Variants in PPM1L observed in about 807,000 individuals in gnomAD.
PPM1L encodes protein phosphatase, Mg2+/Mn2+ dependent 1L.
In PPM1L, 13 loss-of-function variants were observed where a neutral mutation model predicts 31.4. The ratio of observed to expected loss-of-function variants is 0.41; its 90% CI spans 0.27 to 0.66. The LOEUF is 0.66. Among genes scored for constraint, PPM1L ranks in the 30% least tolerant of loss-of-function variants. The probability of loss-of-function intolerance (pLI) is 0.29; values close to 1 mark genes in which losing one functional copy is unlikely to be tolerated. For synonymous variants in PPM1L, 184 were observed against 175.4 expected (o/e 1.05, Z -0.39); for missense variants, 326 against 453.7 (o/e 0.72, Z 2.56).
chr3:160,914,336 C>T lies in PPM1L; in HGVS notation c.400-47400C>T, dbSNP rs138491599. On this transcript the variant is annotated intron_variant, in intron 1 of 3. Coordinates refer to ENST00000498165, the MANE Select transcript of PPM1L (RefSeq NM_139245.4). ...TAAGTTTTAGGGTACATGTGCACAA[C>T]GTGCAGGTTAGTTACATATGTATAC... Among the ~76,000 whole-genome samples the T allele has an allele frequency of 6.4e-3, 971 of 152,016 alleles. 14 individuals carry two copies. The highest frequency in any genetic ancestry group is 0.022 in the African/African-American group (928 of 41,448).
At chr3:160,950,326 A>G (rs995139920) in intron 1 of PPM1L, among the ~76,000 whole-genome samples, 1 of 152,226 alleles carries the variant, frequency 6.6e-6, no homozygotes, top group South Asian at 2.1e-4. Flanking sequence ...GATTGAAGCT[A>G]TAATGATAGA....
intron 1 of PPM1L, among the ~76,000 whole-genome samples, chr3:160,786,668 G>A (rs1338131979): frequency 6.6e-6 from 1 of 151,600 alleles, no homozygotes; most frequent in Non-Finnish European, 1.5e-5. Flanking sequence ...TGTCATGGGG[G>A]TTGGTGTATG....
intron 2 of PPM1L, among the ~76,000 whole-genome samples, chr3:161,063,381 T>C (rs1719630165): frequency 6.6e-6 from 1 of 152,198 alleles, no homozygotes; most frequent in Admixed American, 6.5e-5. Flanking sequence ...TAACCAACAT[T>C]TCATGTGTTT....
At chr3:161,005,202 A>T (rs1483475739) in intron 2 of PPM1L, among the ~76,000 whole-genome samples, 1 of 152,062 alleles carries the variant, frequency 6.6e-6, no homozygotes, top group East Asian at 1.9e-4. Context: ...TTCAGTTTCC[A>T]TGTAGTTGAG....
chr3:160,788,589 C>A (rs892584628), intron 1 of PPM1L, among the ~76,000 whole-genome samples: 3 of 151,864 alleles, frequency 2.0e-5, no homozygotes, highest in Admixed American at 6.6e-5. Context: ...CTTATGCCAT[C>A]ACATTTAGCA....
intron 1 of PPM1L, among the ~76,000 whole-genome samples, chr3:160,948,563 C>T (rs1420887520): frequency 6.6e-6 from 1 of 152,126 alleles, no homozygotes; most frequent in Non-Finnish European, 1.5e-5. Context: ...CTGTTTTACG[C>T]AGCTTGCTGA....
chr3:160,990,005 T>G (rs1188363609), intron 2 of PPM1L, among the ~76,000 whole-genome samples: 2 of 149,458 alleles, frequency 1.3e-5, no homozygotes, highest in Non-Finnish European at 3.0e-5. Flanking sequence ...TTGTTTTGTT[T>G]TGTTTTTGAG....
chr3:161,050,806 A>G (rs922610890), intron 2 of PPM1L, among the ~76,000 whole-genome samples: 25 of 152,174 alleles, frequency 1.6e-4, no homozygotes, highest in Admixed American at 1.4e-3. Flanking sequence ...AAGTAATTCT[A>G]TGAGGTCAAT....
chr3:160,845,126 A>G (rs952290979), intron 1 of PPM1L, among the ~76,000 whole-genome samples: 2 of 152,164 alleles, frequency 1.3e-5, no homozygotes, highest in Admixed American at 6.6e-5. Flanking sequence ...ATATGAATAT[A>G]TAAGATTTTG....
At chr3:161,006,437 A>G (rs1243803044) in intron 2 of PPM1L, among the ~76,000 whole-genome samples, 1 of 152,238 alleles carries the variant, frequency 6.6e-6, no homozygotes, top group East Asian at 1.9e-4. Context: ...TTATACAACC[A>G]TGTGAATATA....
chr3:160,934,435 A>G (rs1318958721), intron 1 of PPM1L, among the ~76,000 whole-genome samples: 2 of 152,214 alleles, frequency 1.3e-5, no homozygotes, highest in African/African-American at 2.4e-5. Flanking sequence ...CCCATCCAAC[A>G]TTATGTTATA....
At chr3:161,054,814 G>A (rs1719368777) in intron 2 of PPM1L, among the ~76,000 whole-genome samples, 1 of 152,138 alleles carries the variant, frequency 6.6e-6, no homozygotes, top group African/African-American at 2.4e-5. Context: ...TGAATGCTCA[G>A]TATATGGCAG....
chr3:160,939,990 A>G (rs1576727900), intron 1 of PPM1L, among the ~76,000 whole-genome samples: 1 of 152,228 alleles, frequency 6.6e-6, no homozygotes, highest in African/African-American at 2.4e-5. Flanking sequence ...GATATGAACA[A>G]TAAGGTCCAA....
chr3:160,988,383 C>T (rs922260832), intron 2 of PPM1L, among the ~76,000 whole-genome samples: 5 of 152,190 alleles, frequency 3.3e-5, no homozygotes, highest in Admixed American at 3.3e-4. Flanking sequence ...AATAGAGCCA[C>T]TTCACAGTTG....
At chr3:160,969,106 C>A (rs531994540) in intron 2 of PPM1L, among the ~76,000 whole-genome samples, 22 of 152,302 alleles carry the variant, frequency 1.4e-4, no homozygotes, top group Non-Finnish European at 2.8e-4. Context: ...AAGTGTCAGG[C>A]AGTCACATAC....
intron 1 of PPM1L, among the ~76,000 whole-genome samples, chr3:160,907,684 G>A (rs1713811032): frequency 6.6e-6 from 1 of 152,260 alleles, no homozygotes; most frequent in East Asian, 1.9e-4. Context: ...TAATCAAAAA[G>A]GGATGATAAA....
chr3:160,937,499 A>G (rs1185798162), intron 1 of PPM1L, among the ~76,000 whole-genome samples: 1 of 152,180 alleles, frequency 6.6e-6, no homozygotes, highest in East Asian at 1.9e-4. Flanking sequence ...GGGCGCCTGT[A>G]GTCCCAGCTA....
chr3:160,925,885 A>AT (rs1714570102), intron 1 of PPM1L, among the ~76,000 whole-genome samples: 1 of 152,214 alleles, frequency 6.6e-6, no homozygotes, highest in Non-Finnish European at 1.5e-5. Context: ...GGGTGCTGAC[A>AT]TTCTTTAAAG....
chr3:161,022,131 C>CG, intron 2 of PPM1L: 1 of 668,598 alleles, frequency 1.5e-6, no homozygotes, highest in Non-Finnish European at 2.7e-6. Context: ...GTTTTAATTC[C>CG]ATTTTTTTTT....
Sources: allele counts gnomAD v4.1 joint callset (sites outside exome capture counted in the v4.1 genomes callset), GRCh38; gene constraint gnomAD v4.1.1; transcripts MANE v1.5; gene names NCBI Gene and HGNC (gene_info 2026-07-23, HGNC 2026-07-21).